The following REC114 variants were observed in gnomAD, a reference collection of about 807,000 sequenced individuals.
REC114 encodes meiotic recombination protein REC114.
Under a neutral mutation model 31.3 loss-of-function variants are expected in REC114, and 27 were observed. The observed-to-expected ratio is 0.86, with a 90% confidence interval of 0.64 to 1.19. REC114 has a LOEUF of 1.19. Ranked by LOEUF, REC114 falls within the 50% of genes most tolerant of loss-of-function variation. The probability of loss-of-function intolerance (pLI) is 0.00; values close to 1 mark genes in which losing one functional copy is unlikely to be tolerated. For synonymous variants in REC114, 134 were observed against 127.7 expected (o/e 1.05, Z -0.33); for missense variants, 344 against 326.9 (o/e 1.05, Z -0.40).
At chr15:73,454,094 G>C (rs987996857) in intron 1 of REC114, among the ~76,000 whole-genome samples, 1 of 152,064 alleles carries the variant, frequency 6.6e-6, no homozygotes, top group East Asian at 1.9e-4. Flanking sequence ...TTCTGCACAT[G>C]TACCCCAGAA....
At chr15:73,484,487 A>T (rs1196797272) in intron 2 of REC114, among the ~76,000 whole-genome samples, 2 of 152,194 alleles carry the variant, frequency 1.3e-5, no homozygotes, top group Non-Finnish European at 2.9e-5. Flanking sequence ...TTCATTCTTT[A>T]AAAAAGTGGA....
intron 2 of REC114, among the ~76,000 whole-genome samples, chr15:73,490,714 T>C (rs1337590006): frequency 6.6e-6 from 1 of 152,080 alleles, no homozygotes; most frequent in African/African-American, 2.4e-5. Flanking sequence ...AGAATGTATA[T>C]ATATAATATA....
intron 1 of REC114, among the ~76,000 whole-genome samples, chr15:73,468,570 A>T (rs1203417675): frequency 6.6e-6 from 1 of 152,080 alleles, no homozygotes; most frequent in Non-Finnish European, 1.5e-5. Flanking sequence ...CTGTCTGATT[A>T]CAGTGGTAAG....
intron 2 of REC114, among the ~76,000 whole-genome samples, chr15:73,478,057 A>T (rs1345770576): frequency 6.6e-6 from 1 of 152,018 alleles, no homozygotes; most frequent in Non-Finnish European, 1.5e-5. Flanking sequence ...TGAGATCAGG[A>T]GTTCGAGACC....
rs182809973 is a variant in REC114 at position 73,470,843 on chromosome 15, A to G, written c.160-2989A>G. 3.5e-4 allele frequency among the ~76,000 whole-genome samples: 53 copies of G among 152,312 alleles called. 1 individual carries two copies. The highest frequency in any genetic ancestry group is 1.1e-3 in the African/African-American group (46 of 41,572). On this transcript the variant is annotated intron_variant, in intron 1 of 5. Transcript: ENST00000331090. ...GTTTGAAGATGGAGTGAGTCGTGGT[A>G]TCTAGAAGAAGAGAATTTCAGATAG...
chr15:73,537,282 C>T (rs1210043416), intron 2 of REC114, among the ~76,000 whole-genome samples: 1 of 151,966 alleles, frequency 6.6e-6, no homozygotes, highest in East Asian at 1.9e-4. Flanking sequence ...AAGAAGTGAA[C>T]AATGATCAGA....
At position 73,541,838 on chromosome 15, in the gene REC114, A is replaced by G. The variant is rs1325658599; in HGVS notation, c.333+1270A>G. Among the ~76,000 whole-genome samples, 4 of 152,214 alleles carry G rather than the reference A, an allele frequency of 2.6e-5. No individual in the cohort carries two copies. In the South Asian group the frequency reaches 6.2e-4, roughly 24 times the overall value. ...GAGTTTTAAATTTTTCTAAATATACATTATTACTAAAATTTTAAACTAACT... is the reference window on the plus strand; with the variant it reads ...GAGTTTTAAATTTTTCTAAATATACGTTATTACTAAAATTTTAAACTAACT... On this transcript the variant is annotated intron_variant, in intron 3 of 5. Transcript: ENST00000331090.
rs564325436 is a variant in REC114, at chr15:73,491,630, G to A, written c.249+17709G>A. 2.0e-5 allele frequency among the ~76,000 whole-genome samples: 3 copies of A among 152,334 alleles called. No individual in the cohort carries two copies. The South Asian group carries it at 6.2e-4, about 32-fold the overall frequency. ...GTGATTGTATCAGCCAGATGCAATG[G>A]CTCACGCCTGTAATCCCAGCACTTT... On this transcript the variant is annotated intron_variant, in intron 2 of 5. Coordinates refer to ENST00000331090, the MANE Select transcript of REC114 (RefSeq NM_001042367.2).
At chr15:73,471,271 G>A (rs899659154) in intron 1 of REC114, among the ~76,000 whole-genome samples, 3 of 152,192 alleles carry the variant, frequency 2.0e-5, no homozygotes, top group African/African-American at 7.2e-5. Context: ...ATATTTTGAA[G>A]ATAGACATGA....
chr15:73,516,020 C>T (rs1893853607), intron 2 of REC114, among the ~76,000 whole-genome samples: 1 of 150,572 alleles, frequency 6.6e-6, no homozygotes, highest in South Asian at 2.1e-4. Flanking sequence ...GAGTTTTGCT[C>T]TTGTCACCCA....
intron 2 of REC114, among the ~76,000 whole-genome samples, chr15:73,489,015 T>C (rs1344225071): frequency 1.3e-5 from 2 of 152,152 alleles, no homozygotes; most frequent in Non-Finnish European, 2.9e-5. Context: ...AATGTATTTC[T>C]TATAGTTCTG....
At chr15:73,556,512 G>C (rs1390574426) in intron 5 of REC114, 121 bp downstream of exon 5, 1 of 831,596 alleles carries the variant, frequency 1.2e-6, no homozygotes, top group African/African-American at 1.7e-5. Flanking sequence ...ACTCTAAAAG[G>C]TGATAGAGAC....
intron 4 of REC114, among the ~76,000 whole-genome samples, chr15:73,553,466 C>T (rs184818169): frequency 2.6e-5 from 4 of 152,138 alleles, no homozygotes; most frequent in African/African-American, 7.2e-5. Flanking sequence ...GTTTCACTGC[C>T]TGTTAGATTC....
intron 1 of REC114, among the ~76,000 whole-genome samples, chr15:73,446,983 A>G (rs1477521102): frequency 6.6e-6 from 1 of 152,178 alleles, no homozygotes; most frequent in Non-Finnish European, 1.5e-5. Flanking sequence ...GATGGCTTAG[A>G]CTCAGGGCAT....
chr15:73,446,394 C>G (rs948027639), intron 1 of REC114, among the ~76,000 whole-genome samples: 21 of 152,180 alleles, frequency 1.4e-4, no homozygotes, highest in African/African-American at 5.1e-4. Context: ...AATCCCAGCA[C>G]TTTGGGAGGC....
chr15:73,551,918 C>T (rs1248898596), intron 4 of REC114, among the ~76,000 whole-genome samples: 2 of 152,108 alleles, frequency 1.3e-5, no homozygotes, highest in Admixed American at 6.5e-5. Flanking sequence ...CTTCCCAACC[C>T]GGAAGACTTT....
At chr15:73,527,133 A>G (rs1370955241) in intron 2 of REC114, among the ~76,000 whole-genome samples, 1 of 152,062 alleles carries the variant, frequency 6.6e-6, no homozygotes, top group Non-Finnish European at 1.5e-5. Context: ...TTTCTACTGA[A>G]TGTCCTGTGT....
At chr15:73,505,277 A>C (rs1893659952) in intron 2 of REC114, among the ~76,000 whole-genome samples, 1 of 152,196 alleles carries the variant, frequency 6.6e-6, no homozygotes, top group Non-Finnish European at 1.5e-5. Flanking sequence ...ACATTTGGTC[A>C]GTGTAAATTT....
intron 2 of REC114, among the ~76,000 whole-genome samples, chr15:73,537,081 T>A (rs1270888727): frequency 6.6e-6 from 1 of 152,256 alleles, no homozygotes; most frequent in Admixed American, 6.5e-5. Context: ...TGTTAAGCAC[T>A]ATAATAGGTG....
Sources: gnomAD v4.1 joint callset for allele counts (sites outside exome capture counted in the v4.1 genomes callset) on GRCh38, gnomAD v4.1.1 for gene constraint, MANE v1.5 for transcripts, NCBI Gene and HGNC (gene_info 2026-07-23, HGNC 2026-07-21) for gene names.